TMEM131: variants seen among roughly 807,000 people sequenced by gnomAD.
The protein encoded by TMEM131 is transmembrane protein 131.
TMEM131 carries 66 observed loss-of-function variants against 211.6 expected under a neutral mutation model. The ratio of observed to expected loss-of-function variants is 0.31; its 90% CI spans 0.26 to 0.38. The LOEUF is 0.38. Ranked by LOEUF, TMEM131 falls within the 10% of genes least tolerant of loss-of-function variation. The pLI is 1.00. For missense variants in TMEM131, 2,036 were observed against 2,299.3 expected (o/e 0.89, Z 2.34); for synonymous variants, 844 against 841.3 (o/e 1.00, Z -0.06).
Position 97,995,919 on chromosome 2 carries a change from C to G in TMEM131, c.-257G>C, listed in dbSNP as rs1680496803. On this transcript the variant is annotated 5_prime_UTR_variant, in exon 1 of 41. Transcript: ENST00000186436. ...GCCGCGGGTCAGGCGCGGCGGGCGGCCATACTGGAAACGGGCACGGCCCGC... is the reference window on the plus strand; with the variant it reads ...GCCGCGGGTCAGGCGCGGCGGGCGGGCATACTGGAAACGGGCACGGCCCGC... 1 of 208,938 alleles carries G rather than the reference C, an allele frequency of 4.8e-6. No homozygotes were observed. Among genetic ancestry groups the G allele is most frequent in the African/African-American group, 2.3e-5 (1 of 42,974 alleles). The allele number at this position is 208,938 out of a possible 1,614,324, so 12.9% of individuals were successfully genotyped here.
At chr2:97,973,455 T>C (rs1431185343) in intron 1 of TMEM131, among the ~76,000 whole-genome samples, 1 of 151,472 alleles carries the variant, frequency 6.6e-6, no homozygotes. Context: ...GAAACAGTGG[T>C]AGAGCTTGGT....
At position 97,841,891 on chromosome 2, in the gene TMEM131, A is replaced by G; in HGVS notation, c.647T>C (p.Leu216Pro). 6.3e-7 allele frequency: 1 copy of G among 1,596,514 alleles called. No individual in the cohort carries two copies. Residue 216 changes from leucine to proline, a missense_variant, in exon 7 of 41, where the codon CTT (leucine) becomes CCT (proline). Leu to Pro is a moderately conservative substitution (Grantham distance 98). Transcript: ENST00000186436. ...VPNPYRLRPF[L>P]GARVPVNSSF... ...GCTATTCACAGGGACTCTGGCCCCAAGGAACGGCCTCAATCGATATGGATT... is the reference window on the plus strand; with the variant it reads ...GCTATTCACAGGGACTCTGGCCCCAGGGAACGGCCTCAATCGATATGGATT...
chr2:97,812,804 T>C, intron 15 of TMEM131, 55 bp from the exon 16 acceptor site: 3 of 990,422 alleles, frequency 3.0e-6, no homozygotes, highest in South Asian at 1.7e-5. Context: ...TCTAACAATA[T>C]TATGAAGAGA....
intron 40 of TMEM131, 27 bp downstream of exon 40, chr2:97,758,866 G>A (rs886113614): frequency 1.9e-6 from 3 of 1,585,244 alleles, no homozygotes; most frequent in Non-Finnish European, 1.7e-6. Flanking sequence ...CCAGGTCCAG[G>A]CCCCAGCCCC....
chr2:97,946,751 CA>C (rs1678061296), intron 1 of TMEM131, among the ~76,000 whole-genome samples: 2 of 151,636 alleles, frequency 1.3e-5, no homozygotes, highest in Non-Finnish European at 2.9e-5. Context: ...CTCTGATCCC[CA>C]AAACAAATAA....
chr2:97,795,244 C>T (rs911839182), intron 28 of TMEM131, 129 bp from the exon 29 acceptor site: 3 of 577,854 alleles, frequency 5.2e-6, no homozygotes, highest in South Asian at 2.9e-5. Flanking sequence ...ACTCAACTTC[C>T]GTATTTTAAG....
chr2:97,979,736 A>C (rs562036196), intron 1 of TMEM131, among the ~76,000 whole-genome samples: 3 of 152,308 alleles, frequency 2.0e-5, no homozygotes, highest in East Asian at 3.9e-4. Flanking sequence ...GCTTACTCCT[A>C]TCAGCAATAA....
intron 3 of TMEM131, among the ~76,000 whole-genome samples, chr2:97,899,723 AG>A (rs1252013497): frequency 3.3e-5 from 5 of 152,170 alleles, no homozygotes; most frequent in Admixed American, 2.6e-4. Flanking sequence ...CCCCACTTCC[AG>A]GAATTTATCC....
intron 11 of TMEM131, among the ~76,000 whole-genome samples, chr2:97,828,355 A>G (rs2105039131): frequency 6.6e-6 from 1 of 152,326 alleles, no homozygotes; most frequent in East Asian, 1.9e-4. Flanking sequence ...TGAAAAAAAA[A>G]AAGTGTAACA....
chr2:97,859,175 T>C, intron 5 of TMEM131, 129 bp downstream of exon 5: 2 of 1,018,018 alleles, frequency 2.0e-6, no homozygotes, highest in African/African-American at 3.4e-5. Context: ...TCTTAGGAAG[T>C]GAAACAAATC....
intron 31 of TMEM131, among the ~76,000 whole-genome samples, chr2:97,783,408 T>G (rs897661870): frequency 6.6e-6 from 1 of 152,116 alleles, no homozygotes; most frequent in African/African-American, 2.4e-5. Flanking sequence ...ATATCTTAAG[T>G]CTTCTAAATT....
At chr2:97,855,895 T>C (rs1673823582) in intron 5 of TMEM131, among the ~76,000 whole-genome samples, 1 of 152,194 alleles carries the variant, frequency 6.6e-6, no homozygotes, top group Admixed American at 6.5e-5. Context: ...TAGAATAATG[T>C]CCTTCTATAT....
chr2:97,852,428 G>A (rs757704070), intron 5 of TMEM131, among the ~76,000 whole-genome samples: 1 of 132,292 alleles, frequency 7.6e-6, no homozygotes, highest in Non-Finnish European at 1.7e-5. Flanking sequence ...AAAGTGCTGG[G>A]ACTACAGGCG....
chr2:97,831,664 CT>C (rs11378393), intron 11 of TMEM131, among the ~76,000 whole-genome samples: 1,043 of 80,516 alleles, frequency 0.013, 5 homozygotes, highest in African/African-American at 0.05. Flanking sequence ...TCACATACCT[CT>C]TTTTTTTTTT....
chr2:97,914,685 C>T (rs1295750134), intron 2 of TMEM131, among the ~76,000 whole-genome samples: 1 of 152,150 alleles, frequency 6.6e-6, no homozygotes, highest in Non-Finnish European at 1.5e-5. Flanking sequence ...TGGAGACTTA[C>T]CCAGGTTGTT....
intron 1 of TMEM131, among the ~76,000 whole-genome samples, chr2:97,963,782 T>C (rs867300242): frequency 6.6e-6 from 1 of 152,218 alleles, no homozygotes; most frequent in Non-Finnish European, 1.5e-5. Flanking sequence ...GTTGTTGTTG[T>C]TATATATAAG....
chr2:97,940,605 G>A (rs867070705), intron 1 of TMEM131, among the ~76,000 whole-genome samples: 2 of 151,998 alleles, frequency 1.3e-5, no homozygotes, highest in African/African-American at 2.4e-5. Context: ...TCAGGAGATC[G>A]AGACTATCCT....
chr2:97,956,690 ATTT>A (rs968547277), intron 1 of TMEM131, among the ~76,000 whole-genome samples: 1 of 126,274 alleles, frequency 7.9e-6, no homozygotes, highest in Non-Finnish European at 1.7e-5. Flanking sequence ...TGTAAACTAG[ATTT>A]TTTTTTTACT....
intron 1 of TMEM131, among the ~76,000 whole-genome samples, chr2:97,981,786 T>C (rs947564721): frequency 2.6e-5 from 4 of 152,214 alleles, no homozygotes; most frequent in African/African-American, 9.7e-5. Flanking sequence ...ACATTTCATA[T>C]AAATGGCTTC....
Sources: allele counts gnomAD v4.1 joint callset (sites outside exome capture counted in the v4.1 genomes callset), GRCh38; gene constraint gnomAD v4.1.1; transcripts MANE v1.5; gene names NCBI Gene and HGNC (gene_info 2026-07-23, HGNC 2026-07-21).